The following LRP8 variants were observed in gnomAD, a reference collection of about 807,000 sequenced individuals.
The protein encoded by LRP8 is LDL receptor related protein 8, also known as low-density lipoprotein receptor-related protein 8.
In LRP8, 46 loss-of-function variants were observed where a neutral mutation model predicts 111.6. The ratio of observed to expected loss-of-function variants is 0.41; its 90% CI spans 0.33 to 0.53. The LOEUF is 0.53. Among genes scored for constraint, LRP8 ranks in the 20% least tolerant of loss-of-function variants. The pLI is 0.20. For missense variants in LRP8, 959 were observed against 1,297.4 expected (o/e 0.74, Z 4.01); for synonymous variants, 464 against 511.2 (o/e 0.91, Z 1.24).
intron 2 of LRP8, among the ~76,000 whole-genome samples, chr1:53,321,167 A>G (rs1268401239): frequency 6.6e-6 from 1 of 152,208 alleles, no homozygotes; most frequent in Non-Finnish European, 1.5e-5. Context: ...CGGAGTGCAC[A>G]ATGTTGAGAA....
chr1:53,295,531 C>T (rs2100479712), intron 2 of LRP8, among the ~76,000 whole-genome samples: 1 of 152,278 alleles, frequency 6.6e-6, no homozygotes, highest in African/African-American at 2.4e-5. Context: ...AAACCCAGGG[C>T]TCCAGGCTGC....
In LRP8 at chr1:53,257,423, T is replaced by A. The variant is rs1274870852; in HGVS notation, c.2251A>T (p.Thr751Ser). Reference protein sequence around the residue: ...TSTTTLASTMTRTVPATTRAP... With the variant: ...TSTTTLASTMSRTVPATTRAP... ...CTTGTGGTGGCAGGTACTGTCCTCG[T>A]CATGGTAGAAGCTAACGTCGTAGTT... The change falls in exon 15 of 19, where the codon ACG becomes TCG. Residue 751 changes from threonine to serine, a missense_variant. This residue lies in a region of LRP8 where 819 missense variants were observed against 1,097.6 expected (regional missense o/e 0.75). Transcript: ENST00000306052. 1 of 1,614,030 alleles carries A rather than the reference T, an allele frequency of 6.2e-7. No individual in the cohort carries two copies. Among genetic ancestry groups the A allele is most frequent in the African/African-American group, 1.3e-5 (1 of 74,898 alleles).
intron 2 of LRP8, among the ~76,000 whole-genome samples, chr1:53,296,322 C>T (rs1319123152): frequency 6.6e-6 from 1 of 152,198 alleles, no homozygotes; most frequent in Non-Finnish European, 1.5e-5. Context: ...CCTCCTAGGG[C>T]AGTTGAGAGG....
chr1:53,271,458 A>T (rs1271030945), intron 6 of LRP8, 112 bp from the exon 7 acceptor site: 4 of 1,217,520 alleles, frequency 3.3e-6, no homozygotes, highest in Non-Finnish European at 4.7e-6. Context: ...ACTCCCATAG[A>T]GGCAGGAGGG....
At chr1:53,290,191 C>T (rs1298094882) in intron 2 of LRP8, among the ~76,000 whole-genome samples, 8 of 152,136 alleles carry the variant, frequency 5.3e-5, no homozygotes, top group Admixed American at 3.3e-4. Flanking sequence ...TCAGAGCAGT[C>T]GGAAGAGGAT....
chr1:53,258,131 C>G, intron 14 of LRP8, 188 bp downstream of exon 14: 1 of 463,372 alleles, frequency 2.2e-6, no homozygotes, highest in Admixed American at 3.9e-5. Context: ...TGAGAAAAAG[C>G]TTTGGAAGGA....
At chr1:53,270,891 G>A (rs1327040568) in intron 8 of LRP8, 137 bp downstream of exon 8, 2 of 1,259,140 alleles carry the variant, frequency 1.6e-6, no homozygotes, top group Admixed American at 2.0e-5. Context: ...AAGGGACCGA[G>A]GATTCCCGTA....
intron 2 of LRP8, among the ~76,000 whole-genome samples, chr1:53,298,927 G>C (rs879351628): frequency 7.2e-5 from 11 of 152,224 alleles, no homozygotes; most frequent in African/African-American, 1.9e-4. Flanking sequence ...TCTCATTCCA[G>C]CCCTGCTCTG....
At chr1:53,290,502 T>C (rs1648519696) in intron 2 of LRP8, among the ~76,000 whole-genome samples, 1 of 152,102 alleles carries the variant, frequency 6.6e-6, no homozygotes, top group Non-Finnish European at 1.5e-5. Context: ...TTTTCAGGGT[T>C]TGAGTCTTAA....
At chr1:53,287,503 C>T (rs1647745859) in intron 3 of LRP8, among the ~76,000 whole-genome samples, 1 of 152,178 alleles carries the variant, frequency 6.6e-6, no homozygotes, top group Non-Finnish European at 1.5e-5. Flanking sequence ...ATATGCAGGG[C>T]TTCACAGTGA....
intron 3 of LRP8, among the ~76,000 whole-genome samples, chr1:53,285,612 G>C (rs1171603674): frequency 1.3e-5 from 2 of 152,170 alleles, no homozygotes; most frequent in Middle Eastern, 3.2e-3. Flanking sequence ...TCAGAGCCTG[G>C]AACAAACTAG....
chr1:53,244,557 G>GCTC lies in LRP8; in HGVS notation c.*2458_*2460dup, dbSNP rs1321621683. ...CACAATTTGTTTCTTGTAAAGGGTT[G>GCTC]CTCCCATTGCTGCCTCTTTCAAACT... On this transcript the variant is annotated 3_prime_UTR_variant, in exon 19 of 19. Coordinates refer to ENST00000306052, the MANE Select transcript of LRP8 (RefSeq NM_004631.5). 2.0e-5 allele frequency: 3 copies of GCTC among 152,220 alleles called. No homozygotes were observed. The highest frequency in any genetic ancestry group is 4.8e-5 in the African/African-American group (2 of 41,460). 9.4% of individuals were successfully genotyped at this position (152,220 alleles called of 1,614,324 possible).
chr1:53,301,755 T>G (rs886092283), intron 2 of LRP8, among the ~76,000 whole-genome samples: 4 of 150,076 alleles, frequency 2.7e-5, no homozygotes, highest in African/African-American at 4.9e-5. Flanking sequence ...GCATTGATTG[T>G]CCCAAGGTCA....
chr1:53,327,861 G>C lies in LRP8; in HGVS notation c.52C>G (p.Leu18Val). The C allele has an allele frequency of 6.6e-7, 1 of 1,508,268 alleles. No individual in the cohort carries two copies. Among genetic ancestry groups the C allele is most frequent in the South Asian group, 1.2e-5 (1 of 81,624 alleles). 93.4% of individuals were successfully genotyped at this position (1,508,268 alleles called of 1,614,324 possible). ...PLRLLALLLL[L>V]LLLLLLQLQH... ...AGCTGCAGCAGCAGCAGCAGCAGCA[G>C]CAGCAGCAGCAGCGCCAGAAGCCGG... Residue 18 changes from leucine to valine, a missense_variant, in exon 1 of 19, where the codon CTG becomes GTG. Coordinates refer to ENST00000306052, the MANE Select transcript of LRP8 (RefSeq NM_004631.5).
At chr1:53,261,927 A>G (rs1417060653) in intron 12 of LRP8, 141 bp downstream of exon 12, 1 of 1,045,772 alleles carries the variant, frequency 9.6e-7, no homozygotes, top group Admixed American at 2.6e-5. Context: ...CAGGCAGCTC[A>G]CAGATTGTTT....
chr1:53,257,325 T>A lies in LRP8; in HGVS notation c.2349A>T (p.Ala783=), dbSNP rs2100360570. 5 of 1,614,182 alleles carry A rather than the reference T, an allele frequency of 3.1e-6. No individual in the cohort carries two copies. In the South Asian group the frequency reaches 5.5e-5, roughly 18 times the overall value. Residue 783 remains alanine (A), a synonymous_variant, in exon 15 of 19, where the codon GCA becomes GCT. Transcript: ENST00000306052. ...TGGGGACACTAACTGAGCTTGGGACTGCAGCTGTCAGGCTTGGTGTCTCTG... is the reference window on the plus strand; with the variant it reads ...TGGGGACACTAACTGAGCTTGGGACAGCAGCTGTCAGGCTTGGTGTCTCTG... ...HSTETPSLTA[A]VPSSVSVPRA...
intron 1 of LRP8, chr1:53,327,236 C>A (rs12075098): frequency 0.014 from 7,684 of 544,564 alleles, 340 homozygotes; most frequent in African/African-American, 0.11. Flanking sequence ...CCTGGGTATA[C>A]CCTCCATTCA....
chr1:53,248,917 C>G (rs1328716618), intron 18 of LRP8, among the ~76,000 whole-genome samples: 1 of 152,224 alleles, frequency 6.6e-6, no homozygotes, highest in Non-Finnish European at 1.5e-5. Flanking sequence ...GGTTGTTATT[C>G]TCATTTTACA....
At chr1:53,302,310 G>C (rs1253913861) in intron 2 of LRP8, among the ~76,000 whole-genome samples, 2 of 152,132 alleles carry the variant, frequency 1.3e-5, no homozygotes, top group South Asian at 2.1e-4. Context: ...ACCGCCCCAG[G>C]ATTGGTTCCA....
Sources: gnomAD v4.1 joint callset for allele counts (sites outside exome capture counted in the v4.1 genomes callset) on GRCh38, gnomAD v4.1.1 for gene constraint, gnomAD v4.1.1 regional missense constraint, MANE v1.5 for transcripts, NCBI Gene and HGNC (gene_info 2026-07-23, HGNC 2026-07-21) for gene names.